Variants in DOCK7 observed in about 807,000 individuals in gnomAD.
DOCK7 encodes the protein dedicator of cytokinesis 7.
A neutral mutation model predicts 271.0 loss-of-function variants in DOCK7; 138 were observed. That is an observed-to-expected ratio of 0.51 (90% CI 0.44 to 0.59). DOCK7 has a LOEUF of 0.59. DOCK7 is among the 20% of genes least tolerant of loss of function. The pLI is 0.00. For missense variants in DOCK7, 2,066 were observed against 2,592.4 expected, an observed-to-expected ratio of 0.80 and a Z score of 4.41; for synonymous variants, 823 against 876.1, an observed-to-expected ratio of 0.94 and a Z score of 1.07.
At chr1:62,494,226 A>G in intron 40 of DOCK7, 49 bp downstream of exon 40, 1 of 1,468,904 alleles carries the variant, frequency 6.8e-7, no homozygotes. Flanking sequence ...AAAAGCTAAA[A>G]CCAAAAAAAG....
At chr1:62,465,163 A>T (rs902963676) in intron 48 of DOCK7, among the ~76,000 whole-genome samples, 2 of 152,206 alleles carry the variant, frequency 1.3e-5, no homozygotes, top group African/African-American at 4.8e-5. Flanking sequence ...TGGTGAGCTC[A>T]AATGTATCTG....
rs569711057 is a variant in DOCK7 at position 62,596,963 on chromosome 1, AC to A, written c.1683-10340del. On this transcript the variant is annotated intron_variant, in intron 14 of 49. Coordinates refer to ENST00000635253, the MANE Select transcript of DOCK7 (RefSeq NM_001367561.1). ...AAGACATATAAGGTGATGCAAAAAA[AC>A]ATATTAACAATTATAGTGACAAAAA... Among the ~76,000 whole-genome samples the A allele has an allele frequency of 2.2e-3, 332 of 152,288 alleles. 2 individuals carry two copies. The highest frequency in any genetic ancestry group is 7.1e-3 in the African/African-American group (295 of 41,566).
intron 16 of DOCK7, 62 bp from the exon 17 acceptor site, chr1:62,579,028 T>C: frequency 7.3e-7 from 1 of 1,362,794 alleles, no homozygotes; most frequent in Middle Eastern, 2.5e-4. Flanking sequence ...ATAATGTATT[T>C]GTATATTTGA....
At chr1:62,579,960 T>C (rs1647064939) in intron 16 of DOCK7, among the ~76,000 whole-genome samples, 1 of 152,106 alleles carries the variant, frequency 6.6e-6, no homozygotes, top group Admixed American at 6.6e-5. Context: ...CAATATTCAT[T>C]GAGAATAATC....
intron 48 of DOCK7, among the ~76,000 whole-genome samples, chr1:62,462,914 C>CTTTTTT (rs34400688): frequency 2.5e-4 from 20 of 79,344 alleles, no homozygotes; most frequent in Admixed American, 5.4e-4. Flanking sequence ...GTAGAAAAAG[C>CTTTTTT]TTTTTTTTTT....
Position 62,558,960 on chromosome 1 carries a change from C to T in DOCK7, c.2431+29G>A, listed in dbSNP as rs147119972. 227 of 1,525,394 alleles carry T rather than the reference C, an allele frequency of 1.5e-4. No individual in the cohort carries two copies. The East Asian group carries it at 2.3e-3, about 15-fold the overall frequency. The allele number at this position is 1,525,394 out of a possible 1,614,324, so 94.5% of individuals were successfully genotyped here. On this transcript the variant is annotated intron_variant, in intron 20 of 49. Coordinates refer to ENST00000635253, the MANE Select transcript of DOCK7 (RefSeq NM_001367561.1). Reference sequence around the variant, plus strand: ...TAGAAATGTCAAGTTATAAATTTCACGTCTCATCCCCAAACAAAAGTAAAT... The same window carrying T: ...TAGAAATGTCAAGTTATAAATTTCATGTCTCATCCCCAAACAAAAGTAAAT...
At position 62,552,825 on chromosome 1, in the gene DOCK7, T is replaced by C. The variant is rs762289498; in HGVS notation, c.2673A>G (p.Leu891=). The C allele has an allele frequency of 6.8e-6, 11 of 1,613,942 alleles. No homozygotes were observed. Among genetic ancestry groups the C allele is most frequent in the Non-Finnish European group, 9.3e-6 (11 of 1,179,960 alleles). ...TATTACTAAGGCTTCGAGAACGATT[T>C]AAATTAAGGCTTGCAGGTCTCACCG... ...RSAVRPASLN[L]NRSRSLSNSN... Residue 891 remains leucine (L), a synonymous_variant, in exon 22 of 50, where the codon TTA becomes TTG. Transcript: ENST00000635253.
chr1:62,581,497 AG>A (rs1414154037), intron 16 of DOCK7, among the ~76,000 whole-genome samples: 1 of 152,176 alleles, frequency 6.6e-6, no homozygotes, highest in East Asian at 1.9e-4. Flanking sequence ...AGAAGACAGC[AG>A]GGCATCCAAA....
chr1:62,529,315 A>G lies in DOCK7; in HGVS notation c.3743T>C (p.Ile1248Thr), dbSNP rs552981892. 5.0e-6 allele frequency: 8 copies of G among 1,612,578 alleles called. No individual in the cohort carries two copies. The highest frequency in any genetic ancestry group is 6.8e-6 in the Non-Finnish European group (8 of 1,179,600). Reference protein sequence around the residue: ...VAMLYLPLIGIIMETVPQLYD... With the variant: ...VAMLYLPLIGTIMETVPQLYD... ...CAGCTGAGGTACAGTTTCCATGATA[A>G]TACCAATCAGAGGTAGATACAACAT... The change falls in exon 30 of 50, where the codon ATT becomes ACT. Residue 1248 changes from isoleucine (I) to threonine (T), a missense_variant. Ile to Thr is a moderately conservative substitution (Grantham distance 89). This residue lies in a region of DOCK7 where 1,414 missense variants were observed against 1,670.4 expected (regional missense o/e 0.85). Coordinates refer to ENST00000635253, the MANE Select transcript of DOCK7 (RefSeq NM_001367561.1).
In DOCK7 at chr1:62,597,773, T is replaced by C. The variant is rs369780744; in HGVS notation, c.1683-11149A>G. ...TCCATAAGACGAAGGGCCAAATTAATGACATATTTCAAAAACTCAACATAT... is the reference window on the plus strand; with the variant it reads ...TCCATAAGACGAAGGGCCAAATTAACGACATATTTCAAAAACTCAACATAT... On this transcript the variant is annotated intron_variant, in intron 14 of 49. Coordinates refer to ENST00000635253, the MANE Select transcript of DOCK7 (RefSeq NM_001367561.1). 1.4e-4 allele frequency: 225 copies of C among 1,613,484 alleles called. No individual in the cohort carries two copies. The highest frequency in any genetic ancestry group is 1.8e-4 in the Non-Finnish European group (209 of 1,179,708).
chr1:62,498,779 C>G (rs1646696001), intron 37 of DOCK7, among the ~76,000 whole-genome samples: 1 of 151,820 alleles, frequency 6.6e-6, no homozygotes, highest in Non-Finnish European at 1.5e-5. Flanking sequence ...ATATATATCA[C>G]TGCCAGTTTT....
At chr1:62,472,173 G>A (rs752301945) in intron 48 of DOCK7, among the ~76,000 whole-genome samples, 2 of 151,624 alleles carry the variant, frequency 1.3e-5, no homozygotes, top group Non-Finnish European at 2.9e-5. Flanking sequence ...GCATGATCTC[G>A]GCTCACTGTA....
At chr1:62,641,460 G>A (rs973558907) in intron 7 of DOCK7, 26 of 421,622 alleles carry the variant, frequency 6.2e-5, no homozygotes, top group African/African-American at 4.9e-4. Flanking sequence ...GTCTTGTGGG[G>A]CAGCATGCTT....
chr1:62,636,464 A>G (rs1655284931), intron 8 of DOCK7, 73 bp downstream of exon 8: 3 of 1,199,728 alleles, frequency 2.5e-6, no homozygotes, highest in Non-Finnish European at 3.5e-6. Flanking sequence ...AAAAAAATCA[A>G]TCTTATAAAA....
At chr1:62,558,334 A>G (rs1283520351) in intron 20 of DOCK7, among the ~76,000 whole-genome samples, 1 of 152,124 alleles carries the variant, frequency 6.6e-6, no homozygotes. Context: ...AAAAACTCAA[A>G]TAATTGAATA....
Position 62,528,654 on chromosome 1 carries a change from G to A in DOCK7, c.3782-349C>T, listed in dbSNP as rs140579405. Among the ~76,000 whole-genome samples the A allele has an allele frequency of 3.8e-3, 573 of 152,266 alleles. 6 individuals are homozygous for A. The highest frequency in any genetic ancestry group is 0.013 in the African/African-American group (521 of 41,550). The stretch of plus-strand genomic sequence containing the variant: ...CTTTGCAACACCAGCACCTGTCAAA[G>A]TTCTTAATACACATTAGATACTCAG... On this transcript the variant is annotated intron_variant, in intron 30 of 49. Coordinates refer to ENST00000635253, the MANE Select transcript of DOCK7 (RefSeq NM_001367561.1).
chr1:62,525,515 T>A (rs1245560178), intron 31 of DOCK7, among the ~76,000 whole-genome samples: 1 of 152,128 alleles, frequency 6.6e-6, no homozygotes, highest in South Asian at 2.1e-4. Context: ...CTTTGTCATA[T>A]GTAGTATACT....
intron 34 of DOCK7, among the ~76,000 whole-genome samples, chr1:62,509,312 C>CAA (rs71045845): frequency 0.62 from 69,942 of 112,488 alleles, 23,515 homozygotes; most frequent in Middle Eastern, 0.79. Context: ...GATCTTGTCT[C>CAA]AAAAAAAAAA....
At chr1:62,456,301 A>C (rs1645345982) in intron 49 of DOCK7, among the ~76,000 whole-genome samples, 1 of 152,190 alleles carries the variant, frequency 6.6e-6, no homozygotes, top group Non-Finnish European at 1.5e-5. Context: ...CAAATGCTAA[A>C]GAAGAATTTT....
Sources: gnomAD v4.1 joint callset for allele counts (sites outside exome capture counted in the v4.1 genomes callset) on GRCh38, gnomAD v4.1.1 for gene constraint, gnomAD v4.1.1 regional missense constraint, MANE v1.5 for transcripts, NCBI Gene and HGNC (gene_info 2026-07-23, HGNC 2026-07-21) for gene names.